ADAMTSL1: variants seen among roughly 807,000 people sequenced by gnomAD.
The protein encoded by ADAMTSL1 is ADAMTS like 1, also known as ADAMTS-like protein 1.
Under a neutral mutation model 201.8 loss-of-function variants are expected in ADAMTSL1, and 126 were observed. The ratio of observed to expected loss-of-function variants is 0.62; its 90% CI spans 0.54 to 0.72. The LOEUF (loss-of-function observed/expected upper bound fraction) is 0.72. Among genes scored for constraint, ADAMTSL1 ranks in the 30% least tolerant of loss-of-function variants. The pLI is 0.00. For missense variants in ADAMTSL1, 2,679 were observed against 2,277.8 expected, an observed-to-expected ratio of 1.18 and a Z score of -3.59; for synonymous variants, 1,121 against 903.4, an observed-to-expected ratio of 1.24 and a Z score of -4.32.
chr9:18,214,200 A>C (rs905168491), intron 2 of ADAMTSL1, among the ~76,000 whole-genome samples: 2 of 152,178 alleles, frequency 1.3e-5, no homozygotes, highest in African/African-American at 2.4e-5. Context: ...CTCTCCATCA[A>C]TAAACCCAGA....
chr9:18,427,271 G>A (rs537403248), intron 2 of ADAMTSL1, among the ~76,000 whole-genome samples: 8 of 152,270 alleles, frequency 5.3e-5, no homozygotes, highest in South Asian at 4.1e-4. Context: ...TGTACTAATC[G>A]ACTTGCTGAA....
At chr9:18,838,959 G>C (rs1825519162) in intron 23 of ADAMTSL1, among the ~76,000 whole-genome samples, 1 of 149,518 alleles carries the variant, frequency 6.7e-6, no homozygotes, top group Non-Finnish European at 1.5e-5. Context: ...ATCTTACTTA[G>C]GTGCTGTTCA....
intron 2 of ADAMTSL1, among the ~76,000 whole-genome samples, chr9:18,235,138 T>A (rs1028868473): frequency 3.9e-5 from 6 of 152,182 alleles, no homozygotes; most frequent in African/African-American, 1.4e-4. Context: ...CAGCATTACA[T>A]TTACACATCA....
At chr9:18,283,520 C>T (rs1177289062) in intron 2 of ADAMTSL1, among the ~76,000 whole-genome samples, 7 of 144,640 alleles carry the variant, frequency 4.8e-5, no homozygotes, top group African/African-American at 1.8e-4. Context: ...GCAGGAAGTT[C>T]GCTTGAGCCT....
At chr9:18,357,019 G>T (rs1563909529) in intron 2 of ADAMTSL1, among the ~76,000 whole-genome samples, 2 of 152,124 alleles carry the variant, frequency 1.3e-5, no homozygotes, top group African/African-American at 4.8e-5. Context: ...AAAGAATACT[G>T]TCAAAGCTGG....
At chr9:18,676,003 A>C in intron 10 of ADAMTSL1, 96 bp downstream of exon 10, 1 of 1,203,368 alleles carries the variant, frequency 8.3e-7, no homozygotes, top group African/African-American at 1.5e-5. Context: ...AGAGAGAGAG[A>C]TTATATGTTT....
At chr9:18,333,396 T>A (rs1835108397) in intron 2 of ADAMTSL1, among the ~76,000 whole-genome samples, 1 of 152,280 alleles carries the variant, frequency 6.6e-6, no homozygotes, top group South Asian at 2.1e-4. Flanking sequence ...TCCTGCCTCC[T>A]GTGAAGAGGT....
intron 5 of ADAMTSL1, chr9:18,622,604 A>G: frequency 1.7e-6 from 1 of 599,418 alleles, no homozygotes; most frequent in South Asian, 2.1e-5. Flanking sequence ...GGAGTGAACC[A>G]GACATGGGGC....
At chr9:18,042,608 T>C (rs1586937919) in intron 1 of ADAMTSL1, among the ~76,000 whole-genome samples, 3 of 152,152 alleles carry the variant, frequency 2.0e-5, no homozygotes, top group Non-Finnish European at 2.9e-5. Flanking sequence ...CAGGATCAAA[T>C]TGAAGTTATC....
chr9:18,124,150 T>A (rs1299207897), intron 1 of ADAMTSL1, among the ~76,000 whole-genome samples: 2 of 140,938 alleles, frequency 1.4e-5, no homozygotes, highest in African/African-American at 5.2e-5. Context: ...TGGCTCCGTC[T>A]CAGCTCACTG....
chr9:18,165,543 C>T (rs1265697943), intron 2 of ADAMTSL1, among the ~76,000 whole-genome samples: 1 of 151,646 alleles, frequency 6.6e-6, no homozygotes, highest in African/African-American at 2.4e-5. Flanking sequence ...TTATAATTAC[C>T]TTTTAATAGT....
intron 2 of ADAMTSL1, among the ~76,000 whole-genome samples, chr9:18,428,291 G>T (rs1404575845): frequency 6.6e-6 from 1 of 152,034 alleles, no homozygotes; most frequent in Non-Finnish European, 1.5e-5. Flanking sequence ...ACAGATACAA[G>T]AATTGGGGCC....
chr9:18,364,429 A>G (rs188276884), intron 2 of ADAMTSL1, among the ~76,000 whole-genome samples: 5 of 152,292 alleles, frequency 3.3e-5, no homozygotes, highest in Non-Finnish European at 7.3e-5. Flanking sequence ...GGGTAGAAGC[A>G]AACCCCAATT....
intron 1 of ADAMTSL1, among the ~76,000 whole-genome samples, chr9:18,039,165 A>C (rs1304467721): frequency 2.0e-5 from 3 of 152,208 alleles, no homozygotes. Context: ...TTTTAGGAAC[A>C]AACTGTGTTG....
chr9:18,009,051 T>C (rs1234358079), intron 1 of ADAMTSL1, among the ~76,000 whole-genome samples: 1 of 151,980 alleles, frequency 6.6e-6, no homozygotes, highest in Non-Finnish European at 1.5e-5. Flanking sequence ...CCTGCAGATC[T>C]GCACTCTAGC....
chr9:18,746,805 G>T (rs1373694697), intron 15 of ADAMTSL1, among the ~76,000 whole-genome samples: 3 of 149,250 alleles, frequency 2.0e-5, no homozygotes, highest in African/African-American at 4.9e-5. Context: ...TCCTCCTTTT[G>T]TATAGCTAAT....
At chr9:18,363,254 C>G (rs1836609321) in intron 2 of ADAMTSL1, among the ~76,000 whole-genome samples, 1 of 152,232 alleles carries the variant, frequency 6.6e-6, no homozygotes, top group African/African-American at 2.4e-5. Context: ...GCTAACCTAT[C>G]AGGCATCCTG....
chr9:18,177,395 A>G (rs2132155464), intron 2 of ADAMTSL1, among the ~76,000 whole-genome samples: 1 of 152,330 alleles, frequency 6.6e-6, no homozygotes, highest in South Asian at 2.1e-4. Context: ...ACTGATGGAA[A>G]TGTGGCTAAA....
intron 2 of ADAMTSL1, among the ~76,000 whole-genome samples, chr9:18,326,523 G>A (rs548387068): frequency 6.6e-6 from 1 of 151,976 alleles, no homozygotes; most frequent in East Asian, 1.9e-4. Flanking sequence ...GTGCTGGCAT[G>A]CTTTGTATTT....
Sources: gnomAD v4.1 joint callset for allele counts (sites outside exome capture counted in the v4.1 genomes callset) on GRCh38, gnomAD v4.1.1 for gene constraint, MANE v1.5 for transcripts, NCBI Gene and HGNC (gene_info 2026-07-23, HGNC 2026-07-21) for gene names.